Variants in MAD1L1 observed in about 807,000 individuals in gnomAD.
MAD1L1 encodes the protein mitotic arrest deficient 1 like 1, also known as mitotic spindle assembly checkpoint protein MAD1.
Under a neutral mutation model 96.9 loss-of-function variants are expected in MAD1L1, and 95 were observed. The observed-to-expected ratio is 0.98, with a 90% CI of 0.83 to 1.16. The LOEUF (loss-of-function observed/expected upper bound fraction) is 1.16. Ranked by LOEUF, MAD1L1 falls within the 50% of genes most tolerant of loss-of-function variation. MAD1L1 has a pLI of 0.00. For synonymous variants in MAD1L1, 473 were observed against 396.6 expected (o/e 1.19, Z -2.29); for missense variants, 1,007 against 954.4 (o/e 1.06, Z -0.73).
intron 16 of MAD1L1, among the ~76,000 whole-genome samples, chr7:1,939,758 G>T (rs1414836741): frequency 6.6e-6 from 1 of 152,230 alleles, no homozygotes; most frequent in African/African-American, 2.4e-5. Flanking sequence ...GAAGAGACCG[G>T]GCGCAGTAAG....
intron 18 of MAD1L1, chr7:1,874,577 G>T (rs1221676573): frequency 2.2e-6 from 1 of 452,798 alleles, no homozygotes; most frequent in Admixed American, 2.4e-5. Flanking sequence ...CTGTTGAGTG[G>T]CTCTCACCTA....
intron 11 of MAD1L1, among the ~76,000 whole-genome samples, chr7:2,087,321 C>G (rs1584287469): frequency 6.6e-6 from 1 of 152,308 alleles, no homozygotes. Flanking sequence ...GGACAGATCA[C>G]TTGAGGTCAG....
chr7:2,024,063 C>G (rs1372010242), intron 12 of MAD1L1, among the ~76,000 whole-genome samples: 1 of 151,044 alleles, frequency 6.6e-6, no homozygotes, highest in Admixed American at 6.6e-5. Context: ...AAACCAAAAG[C>G]TGGTTCCTTA....
chr7:2,136,826 T>A (rs1240819005), intron 11 of MAD1L1, among the ~76,000 whole-genome samples: 1 of 152,066 alleles, frequency 6.6e-6, no homozygotes, highest in Non-Finnish European at 1.5e-5. Context: ...ACACCAAGAA[T>A]CCCAGCTCGG....
At chr7:1,998,057 A>G (rs1161302646) in intron 14 of MAD1L1, among the ~76,000 whole-genome samples, 1 of 152,174 alleles carries the variant, frequency 6.6e-6, no homozygotes, top group Non-Finnish European at 1.5e-5. Context: ...ATGAATAAGG[A>G]ACAGAAATTA....
At chr7:1,934,605 G>A (rs1789674375) in intron 17 of MAD1L1, among the ~76,000 whole-genome samples, 2 of 151,822 alleles carry the variant, frequency 1.3e-5, no homozygotes, top group Non-Finnish European at 2.9e-5. Context: ...CAGAGACCCA[G>A]ACAACAGGGG....
intron 14 of MAD1L1, 101 bp from the exon 15 acceptor site, chr7:1,980,642 C>A (rs535753423): frequency 2.2e-6 from 2 of 912,400 alleles, no homozygotes; most frequent in Non-Finnish European, 3.5e-6. Context: ...GCAGCACCCC[C>A]GCCCTGGGCT....
intron 10 of MAD1L1, among the ~76,000 whole-genome samples, chr7:2,187,678 C>G (rs1195075130): frequency 6.6e-6 from 1 of 152,206 alleles, no homozygotes. Context: ...TCTCAACATT[C>G]TGTGTGAAGA....
At chr7:1,888,891 C>G (rs541679587) in intron 18 of MAD1L1, among the ~76,000 whole-genome samples, 2 of 152,158 alleles carry the variant, frequency 1.3e-5, no homozygotes, top group Non-Finnish European at 2.9e-5. Context: ...GCCTAGGACA[C>G]GAGAGGTCGA....
chr7:1,947,039 T>G (rs976075529), intron 16 of MAD1L1, among the ~76,000 whole-genome samples: 1 of 152,216 alleles, frequency 6.6e-6, no homozygotes, highest in Non-Finnish European at 1.5e-5. Context: ...CCGTCCTCTC[T>G]GGGCCTCGGC....
chr7:1,888,363 TGC>T (rs1175226300), intron 18 of MAD1L1, among the ~76,000 whole-genome samples: 32 of 151,632 alleles, frequency 2.1e-4, no homozygotes, highest in South Asian at 6.3e-4. Context: ...TGTGCATGCA[TGC>T]GTGTATGTGG....
chr7:2,100,469 G>A (rs1786721474), intron 11 of MAD1L1, among the ~76,000 whole-genome samples: 1 of 152,188 alleles, frequency 6.6e-6, no homozygotes. Flanking sequence ...TGGTACTGCC[G>A]CTTTGCTTCT....
chr7:2,220,949 A>C, intron 5 of MAD1L1: 1 of 1,612,364 alleles, frequency 6.2e-7, no homozygotes, highest in Non-Finnish European at 8.5e-7. Context: ...CCCGTGTTGT[A>C]GGGGACGCCG....
At chr7:1,986,604 G>A (rs943449370) in intron 14 of MAD1L1, among the ~76,000 whole-genome samples, 5 of 151,780 alleles carry the variant, frequency 3.3e-5, no homozygotes, top group African/African-American at 7.2e-5. Flanking sequence ...AGGCTTCCCC[G>A]GGGATGTGTC....
chr7:2,186,581 T>G (rs1216544020), intron 10 of MAD1L1, among the ~76,000 whole-genome samples: 1 of 152,264 alleles, frequency 6.6e-6, no homozygotes, highest in African/African-American at 2.4e-5. Flanking sequence ...AATTCTGTAC[T>G]GTTTGAGCTT....
chr7:1,891,704 T>C (rs1445118533), intron 18 of MAD1L1, among the ~76,000 whole-genome samples: 1 of 152,096 alleles, frequency 6.6e-6, no homozygotes, highest in Non-Finnish European at 1.5e-5. Context: ...CCTCAGCCTC[T>C]GGAGTAGCTG....
intron 10 of MAD1L1, among the ~76,000 whole-genome samples, chr7:2,203,334 T>C (rs78442775): frequency 2.0e-5 from 3 of 152,344 alleles, no homozygotes; most frequent in Middle Eastern, 3.4e-3. Flanking sequence ...CTCTCCTCAC[T>C]GTACTGTGAC....
At chr7:2,096,112 T>C (rs1193546943) in intron 11 of MAD1L1, among the ~76,000 whole-genome samples, 1 of 151,660 alleles carries the variant, frequency 6.6e-6, no homozygotes, top group Non-Finnish European at 1.5e-5. Context: ...GGCCTCTGGG[T>C]AAGGCCATCA....
At chr7:2,129,054 C>T (rs377397193) in intron 11 of MAD1L1, among the ~76,000 whole-genome samples, 5 of 152,188 alleles carry the variant, frequency 3.3e-5, no homozygotes, top group African/African-American at 1.2e-4. Flanking sequence ...GACCCCACCA[C>T]GAGGACAAAA....
Sources: allele counts gnomAD v4.1 joint callset (sites outside exome capture counted in the v4.1 genomes callset), GRCh38; gene constraint gnomAD v4.1.1; transcripts MANE v1.5; gene names NCBI Gene and HGNC (gene_info 2026-07-23, HGNC 2026-07-21).